MSH3: variants seen among roughly 807,000 people sequenced by gnomAD.
The protein encoded by MSH3 is mutS homolog 3.
MSH3 carries 106 observed loss-of-function variants against 123.3 expected under a neutral mutation model. The ratio of observed to expected loss-of-function variants is 0.86; its 90% CI spans 0.73 to 1.01. The LOEUF is 1.01. Among genes scored for constraint, MSH3 ranks in the 50% least tolerant of loss-of-function variants. The probability of loss-of-function intolerance (pLI) is 0.00; values close to 1 mark genes in which losing one functional copy is unlikely to be tolerated. For synonymous variants in MSH3, 515 were observed against 481.4 expected, an observed-to-expected ratio of 1.07 and a Z score of -0.91; for missense variants, 1,459 against 1,347.6, an observed-to-expected ratio of 1.08 and a Z score of -1.29.
At chr5:80,761,407 A>G (rs1432391091) in intron 12 of MSH3, 139 bp from the exon 13 acceptor site, 3 of 1,032,556 alleles carry the variant, frequency 2.9e-6, no homozygotes, top group African/African-American at 1.6e-5. Context: ...TCCTTCCCAC[A>G]TGACTATCTC....
At chr5:80,836,150 A>C (rs1011219025) in intron 20 of MSH3, among the ~76,000 whole-genome samples, 7 of 152,240 alleles carry the variant, frequency 4.6e-5, no homozygotes, top group Non-Finnish European at 1.0e-4. Flanking sequence ...TGGAAGCACA[A>C]AGGAACATAT....
chr5:80,731,048 G>A (rs1424255309), intron 10 of MSH3, among the ~76,000 whole-genome samples: 1 of 151,284 alleles, frequency 6.6e-6, no homozygotes, highest in Non-Finnish European at 1.5e-5. Context: ...GATTACAGGT[G>A]CACGCCACCG....
chr5:80,837,744 A>G (rs1181730075), intron 20 of MSH3, among the ~76,000 whole-genome samples: 3 of 152,216 alleles, frequency 2.0e-5, no homozygotes, highest in Non-Finnish European at 4.4e-5. Flanking sequence ...TGAGCAACAC[A>G]CATTTATTAT....
chr5:80,851,592 C>A (rs959497560), intron 20 of MSH3, among the ~76,000 whole-genome samples: 1 of 151,858 alleles, frequency 6.6e-6, no homozygotes, highest in Non-Finnish European at 1.5e-5. Flanking sequence ...TTGTGGTTTG[C>A]CTTTAACTTT....
chr5:80,871,788 G>A (rs1746218979), intron 22 of MSH3, among the ~76,000 whole-genome samples: 1 of 152,062 alleles, frequency 6.6e-6, no homozygotes. Context: ...TGTTAGAAGT[G>A]AGTCACTGGT....
intron 20 of MSH3, among the ~76,000 whole-genome samples, chr5:80,821,649 A>G (rs576300456): frequency 1.2e-4 from 19 of 152,320 alleles, no homozygotes; most frequent in South Asian, 2.1e-4. Flanking sequence ...TAGTTTATCA[A>G]CCTTCAGGTC....
chr5:80,736,426 A>G (rs1302169090), intron 10 of MSH3, among the ~76,000 whole-genome samples: 1 of 152,184 alleles, frequency 6.6e-6, no homozygotes, highest in South Asian at 2.1e-4. Flanking sequence ...ATAATAGCGA[A>G]TAAATGTAAT....
chr5:80,683,220 C>G (rs1189370238), intron 8 of MSH3, among the ~76,000 whole-genome samples: 6 of 152,280 alleles, frequency 3.9e-5, no homozygotes, highest in Admixed American at 6.5e-5. Flanking sequence ...GAGTATATAT[C>G]TAGCAGTGGG....
At chr5:80,668,984 A>G (rs533008770) in intron 3 of MSH3, among the ~76,000 whole-genome samples, 1 of 152,316 alleles carries the variant, frequency 6.6e-6, no homozygotes, top group Non-Finnish European at 1.5e-5. Context: ...AGCTGGCGTT[A>G]CGGCAGTGGC....
intron 19 of MSH3, among the ~76,000 whole-genome samples, chr5:80,800,237 G>A (rs982939971): frequency 2.0e-5 from 3 of 152,200 alleles, no homozygotes; most frequent in Non-Finnish European, 4.4e-5. Flanking sequence ...TCCAGCTTTT[G>A]TTTGCTATCA....
At chr5:80,695,070 G>T (rs1235907311) in intron 8 of MSH3, among the ~76,000 whole-genome samples, 4 of 142,212 alleles carry the variant, frequency 2.8e-5, no homozygotes, top group Non-Finnish European at 6.1e-5. Flanking sequence ...GTTGTTGGTG[G>T]TGGTGTTTTT....
intron 8 of MSH3, among the ~76,000 whole-genome samples, chr5:80,723,094 A>AAAATAAAT (rs57338891): frequency 0.17 from 24,657 of 144,242 alleles, 2,257 homozygotes; most frequent in Middle Eastern, 0.28. Context: ...ACTCTGTCTA[A>AAAATAAAT]AAATAAATAA....
intron 19 of MSH3, among the ~76,000 whole-genome samples, chr5:80,797,631 C>G (rs1017739810): frequency 2.2e-4 from 34 of 152,188 alleles, no homozygotes; most frequent in Non-Finnish European, 7.3e-5. Context: ...CAGGTTGGGT[C>G]GTCTTGAACT....
intron 18 of MSH3, among the ~76,000 whole-genome samples, chr5:80,792,147 TTATTG>T (rs922429815): frequency 3.9e-5 from 6 of 152,214 alleles, no homozygotes; most frequent in African/African-American, 1.4e-4. Context: ...GTGATTTACT[TTATTG>T]TATTCATTAA....
intron 3 of MSH3, among the ~76,000 whole-genome samples, chr5:80,665,826 T>TTGTG (rs1749556503): frequency 6.6e-6 from 1 of 152,194 alleles, no homozygotes; most frequent in African/African-American, 2.4e-5. Context: ...TATCCACTAT[T>TTGTG]TGTTTTGAGA....
chr5:80,691,888 T>TGTATATGTTTATATAGATAAAC, intron 8 of MSH3, among the ~76,000 whole-genome samples: 1 of 138,042 alleles, frequency 7.2e-6, no homozygotes, highest in South Asian at 2.3e-4. Context: ...TAGATAAACG[T>TGTATATGTTTATATAGATAAAC]GTATATGTTT....
At chr5:80,746,410 T>A in intron 12 of MSH3, 1 of 434,062 alleles carries the variant, frequency 2.3e-6, no homozygotes, top group South Asian at 1.7e-5. Context: ...ATTTTTGATA[T>A]TGGAAGTCTT....
At chr5:80,742,458 A>C (rs946579748) in intron 11 of MSH3, among the ~76,000 whole-genome samples, 2 of 152,376 alleles carry the variant, frequency 1.3e-5, no homozygotes, top group South Asian at 4.1e-4. Flanking sequence ...CTAACAAAGT[A>C]ATAGAGATAA....
intron 2 of MSH3, among the ~76,000 whole-genome samples, chr5:80,664,861 C>CCTTATGGGCTT (rs1749528873): frequency 6.6e-6 from 1 of 151,740 alleles, no homozygotes; most frequent in South Asian, 2.1e-4. Flanking sequence ...TCCTCTCTGT[C>CCTTATGGGCTT]CTTATGGGCT....
Sources: gnomAD v4.1 joint callset for allele counts (sites outside exome capture counted in the v4.1 genomes callset) on GRCh38, gnomAD v4.1.1 for gene constraint, MANE v1.5 for transcripts, NCBI Gene and HGNC (gene_info 2026-07-23, HGNC 2026-07-21) for gene names.